Variants in ACY1 observed in about 807,000 individuals in gnomAD.
ACY1 encodes the protein aminoacylase 1.
A neutral mutation model predicts 53.3 loss-of-function variants in ACY1; 38 were observed. The observed-to-expected ratio is 0.71, with a 90% confidence interval of 0.55 to 0.93. The LOEUF (loss-of-function observed/expected upper bound fraction) is 0.93. ACY1 is among the 40% of genes least tolerant of loss of function. The pLI, the probability that ACY1 is intolerant of heterozygous loss-of-function variation, is 0.00. For synonymous variants in ACY1, 177 were observed against 202.1 expected (o/e 0.88, Z 1.05); for missense variants, 484 against 540.9 (o/e 0.89, Z 1.04).
chr3:51,987,922 AG>A (rs1701131372), intron 12 of ACY1: 3 of 382,498 alleles, frequency 7.8e-6, no homozygotes, highest in South Asian at 7.6e-5. Flanking sequence ...CCCAGGCTGC[AG>A]TGCAGTGGCA....
At position 51,986,605 on chromosome 3, in the gene ACY1, G is replaced by C. The variant is rs1701068593; in HGVS notation, c.527G>C (p.Gly176Ala). The C allele has an allele frequency of 1.2e-6, 2 of 1,614,056 alleles. No homozygotes were observed. Among genetic ancestry groups the C allele is most frequent in the Non-Finnish European group, 1.7e-6 (2 of 1,180,036 alleles). The change falls in exon 8 of 15, where the codon GGC becomes GCC. Residue 176 changes from glycine (G) to alanine (A), a missense_variant and splice_region_variant. Gly to Ala is a moderately conservative substitution (Grantham distance 60, BLOSUM62 0). Transcript: ENST00000636358. ...ALRAGFALDEGIANPTDAFTV... is the reference protein window; with the variant it reads ...ALRAGFALDEAIANPTDAFTV... Reference sequence around the variant, plus strand: ...CTCTGAACCCCCTTTCCCTCCTCAGGCATAGCCAATCCCACTGATGCCTTC... The same window carrying C: ...CTCTGAACCCCCTTTCCCTCCTCAGCCATAGCCAATCCCACTGATGCCTTC...
At chr3:51,985,017 C>A in intron 2 of ACY1, 190 bp from the exon 3 acceptor site, 3 of 664,296 alleles carry the variant, frequency 4.5e-6, no homozygotes, top group Middle Eastern at 4.0e-4. Context: ...CCTGGACTTC[C>A]AGAAAGGGTC....
chr3:51,984,225 C>T lies in ACY1; in HGVS notation c.94+67C>T. ...GGACGGGGACTGTGCTCTAAACCAGCCTCCAACCCCTGTCACCCAGCTGAG... is the reference window on the plus strand; with the variant it reads ...GGACGGGGACTGTGCTCTAAACCAGTCTCCAACCCCTGTCACCCAGCTGAG... On this transcript the variant is annotated intron_variant, in intron 2 of 14. Transcript: ENST00000636358. 3.5e-6 allele frequency: 5 copies of T among 1,441,068 alleles called. No homozygotes were observed. The South Asian group carries it at 5.9e-5, about 17-fold the overall frequency. 89.3% of individuals were successfully genotyped at this position (1,441,068 alleles called of 1,614,324 possible).
In ACY1 at chr3:51,985,475, G is replaced by A. The variant is rs1701025264; in HGVS notation, c.264+10G>A. 1.2e-6 allele frequency: 2 copies of A among 1,613,444 alleles called. No individual in the cohort carries two copies. The highest frequency in any genetic ancestry group is 1.7e-6 in the Non-Finnish European group (2 of 1,179,698). ...GGTGCCTGTCTTCAAGGTGTGTAAG[G>A]GGCTGGGGAGGTGGGCAGTGCAGGC... is the stretch of plus-strand genomic sequence containing the variant. On this transcript the variant is annotated intron_variant, in intron 4 of 14. Transcript: ENST00000636358.
chr3:51,987,948 C>T, intron 12 of ACY1: 1 of 338,854 alleles, frequency 3.0e-6, no homozygotes, highest in Non-Finnish European at 5.6e-6. Flanking sequence ...CTCGGCTCAC[C>T]TCCGCCTCCC....
At position 51,986,446 on chromosome 3, in the gene ACY1, G is replaced by A; in HGVS notation, c.468G>A (p.Glu156=). The A allele has an allele frequency of 1.2e-6, 2 of 1,613,212 alleles. No individual in the cohort carries two copies. The highest frequency in any genetic ancestry group is 1.7e-6 in the Non-Finnish European group (2 of 1,179,568). The change falls in exon 7 of 15, where the codon GAG becomes GAA. Residue 156 remains glutamate (E), a synonymous_variant. Transcript: ENST00000636358. ...DEEVGGHQGM[E]LFVQRPEFHA... is the part of the protein sequence containing the mutation. Reference sequence around the variant, plus strand: ...AGGTTGGGGGTCACCAAGGCATGGAGCTGTTCGTGCAGCGGCCTGAGTTCC... The same window carrying A: ...AGGTTGGGGGTCACCAAGGCATGGAACTGTTCGTGCAGCGGCCTGAGTTCC...
Position 51,984,356 on chromosome 3 carries a change from C to T in ACY1, c.94+198C>T, listed in dbSNP as rs1055390356. On this transcript the variant is annotated intron_variant, in intron 2 of 14. Transcript: ENST00000636358. ...TAGGGAGGAACCCTTTCCCCAGAGA[C>T]TCTGCTGCTGACCAAGGTTACTCCT... 5.1e-5 allele frequency: 33 copies of T among 642,016 alleles called. No individual in the cohort carries two copies. The African/African-American group carries it at 5.6e-4, about 11-fold the overall frequency. 39.8% of individuals were successfully genotyped at this position (642,016 alleles called of 1,614,324 possible). A position where few individuals can be genotyped will look rare whatever the true frequency, so the allele number is the denominator to read the frequency against.
In ACY1 at chr3:51,985,438, C is replaced by T; in HGVS notation, c.237C>T (p.Ser79=). 1 of 1,614,104 alleles carries T rather than the reference C, an allele frequency of 6.2e-7. No homozygotes were observed. The highest frequency in any genetic ancestry group is 8.5e-7 in the Non-Finnish European group (1 of 1,180,032). Residue 79 remains serine (S), a synonymous_variant, in exon 4 of 15, where the codon TCC becomes TCT. Transcript: ENST00000636358. ...CACTCTCCTCCATCTTGCTCAACTC[C>T]CACACGGATGTGGTGCCTGTCTTCA... The part of the protein sequence containing the change: ...NPTLSSILLN[S]HTDVVPVFKE...
In ACY1 at chr3:51,987,074, C is replaced by A; in HGVS notation, c.657+13C>A. 1.9e-6 allele frequency: 3 copies of A among 1,614,024 alleles called. No homozygotes were observed. The highest frequency in any genetic ancestry group is 1.7e-6 in the Non-Finnish European group (2 of 1,180,002). The stretch of plus-strand genomic sequence containing the variant: ...AGCAGAGAAGCTGGTACGTGGCACC[C>A]CAGGAGGGAGTCTGGGAGTTCAGGA... On this transcript the variant is annotated intron_variant, in intron 9 of 14. Coordinates refer to ENST00000636358, the MANE Select transcript of ACY1 (RefSeq NM_000666.3).
chr3:51,983,695 G>A (rs567967475), intron 1 of ACY1, 106 bp downstream of exon 1: 1 of 301,268 alleles, frequency 3.3e-6, no homozygotes, highest in Admixed American at 4.8e-5. Context: ...TTTTGTTTTT[G>A]CCTTTTTTTT....
intron 5 of ACY1, 32 bp downstream of exon 5, chr3:51,985,978 T>C: frequency 6.3e-7 from 1 of 1,580,780 alleles, no homozygotes; most frequent in African/African-American, 1.3e-5. Context: ...TCCTCCACAA[T>C]GTCCCCACTG....
At position 51,985,956 on chromosome 3, in the gene ACY1, C is replaced by T; in HGVS notation, c.359+10C>T. 2 of 1,606,128 alleles carry T rather than the reference C, an allele frequency of 1.2e-6. No individual in the cohort carries two copies. On this transcript the variant is annotated intron_variant, in intron 5 of 14. Coordinates refer to ENST00000636358, the MANE Select transcript of ACY1 (RefSeq NM_000666.3). Reference sequence around the variant, plus strand: ...AGTGCGTCAGCATCCAGTGAGTGTCCTCCATTCCTACTCCTCCACAATGTC... The same window carrying T: ...AGTGCGTCAGCATCCAGTGAGTGTCTTCCATTCCTACTCCTCCACAATGTC...
At position 51,985,367 on chromosome 3, in the gene ACY1, C is replaced by A. The variant is rs1196263113; in HGVS notation, c.166C>A (p.Pro56Thr). ...GLGCQKVEVA[P>T]GYVVTVLTWP... ...CCCTCCTGACCATCTCCAGGTGGCA[C>A]CTGGCTATGTGGTGACCGTGTTGAC... Residue 56 changes from proline to threonine, a missense_variant, in exon 4 of 15, where the codon CCT (proline) becomes ACT (threonine). Coordinates refer to ENST00000636358, the MANE Select transcript of ACY1 (RefSeq NM_000666.3). 6.2e-7 allele frequency: 1 copy of A among 1,614,178 alleles called. No homozygotes were observed. Among genetic ancestry groups the A allele is most frequent in the African/African-American group, 1.3e-5 (1 of 75,052 alleles).
At chr3:51,984,282 C>A in intron 2 of ACY1, 124 bp downstream of exon 2, 1 of 837,036 alleles carries the variant, frequency 1.2e-6, no homozygotes. Flanking sequence ...GGCTCCCCAA[C>A]CCCTCCAGCC....
rs323895 is a variant in ACY1 at position 51,987,300 on chromosome 3, A to G, written c.708-9A>G. The G allele has an allele frequency of 0.039, 62,359 of 1,613,944 alleles. 4,738 individuals are homozygous for G. The highest frequency in any genetic ancestry group is 0.31 in the African/African-American group (23,606 of 74,940). On this transcript the variant is annotated splice_polypyrimidine_tract_variant and intron_variant, in intron 10 of 14. Coordinates refer to ENST00000636358, the MANE Select transcript of ACY1 (RefSeq NM_000666.3). The stretch of plus-strand genomic sequence containing the variant: ...CTGTTGCTGCCGCTACCCTGCCCCC[A>G]CACCACAGGCTGCAGTCAAACCCCC...
At chr3:51,987,734 T>A (rs1171905649) in intron 12 of ACY1, 110 bp downstream of exon 12, 1 of 1,159,942 alleles carries the variant, frequency 8.6e-7, no homozygotes, top group Non-Finnish European at 1.2e-6. Flanking sequence ...CATTTCTTTA[T>A]CTGTGACAGA....
At chr3:51,986,142 C>A in intron 5 of ACY1, 113 bp from the exon 6 acceptor site, 1 of 1,180,900 alleles carries the variant, frequency 8.5e-7, no homozygotes, top group Non-Finnish European at 1.2e-6. Context: ...GAGTCCCTAT[C>A]AGGGTGTGGC....
intron 6 of ACY1, 26 bp downstream of exon 6, chr3:51,986,357 G>T: frequency 1.3e-6 from 1 of 785,212 alleles, no homozygotes. Context: ...ATACCTTTGG[G>T]AAAGGGGAGG....
intron 5 of ACY1, 61 bp from the exon 6 acceptor site, chr3:51,986,194 G>A: frequency 1.3e-6 from 2 of 1,557,040 alleles, no homozygotes; most frequent in Non-Finnish European, 1.8e-6. Flanking sequence ...TGCTGGCCCT[G>A]CCTGTGGGGC....
Sources: gnomAD v4.1 joint callset for allele counts on GRCh38, gnomAD v4.1.1 for gene constraint, MANE v1.5 for transcripts, NCBI Gene and HGNC (gene_info 2026-07-23, HGNC 2026-07-21) for gene names.